SLX4IP: variants seen among roughly 807,000 people sequenced by gnomAD.
SLX4IP encodes the protein protein SLX4IP.
In SLX4IP, 34 loss-of-function variants were observed where a neutral mutation model predicts 32.9. The ratio of observed to expected loss-of-function variants is 1.03; its 90% CI spans 0.79 to 1.38. SLX4IP has a LOEUF of 1.38. SLX4IP is among the 40% of genes most tolerant of loss of function. The pLI is 0.00. For synonymous variants in SLX4IP, 172 were observed against 171.7 expected (o/e 1.00, Z -0.01); for missense variants, 444 against 479.0 (o/e 0.93, Z 0.68).
At chr20:10,588,345 G>T (rs1006068595) in intron 4 of SLX4IP, among the ~76,000 whole-genome samples, 4 of 152,144 alleles carry the variant, frequency 2.6e-5, no homozygotes, top group African/African-American at 9.6e-5. Context: ...GTTATAAAAA[G>T]AGATAATAAG....
At chr20:10,606,715 A>G (rs993444989) in intron 6 of SLX4IP, among the ~76,000 whole-genome samples, 11 of 152,250 alleles carry the variant, frequency 7.2e-5, no homozygotes, top group Non-Finnish European at 1.6e-4. Context: ...CACAACCCTG[A>G]ACACAAAGTC....
chr20:10,435,478 C>T (rs1321743215), intron 1 of SLX4IP, 25 bp downstream of exon 1: 2 of 152,216 alleles, frequency 1.3e-5, no homozygotes, highest in African/African-American at 4.8e-5. Flanking sequence ...CTCTGACAAC[C>T]TCAGATGTTC....
chr20:10,623,295 C>T lies in SLX4IP; in HGVS notation c.1143C>T (p.Thr381=), dbSNP rs199512206. ...ATAACCCAGGGCAGGCACAGCAAAC[C>T]GGCTTAGCCACAAACACTGAAAGAT... ...MKNNPGQAQQ[T]GLATNTERLS... is the part of the protein sequence containing the mutation. The change falls in exon 8 of 8, where the codon ACC becomes ACT. Residue 381 remains threonine (T), a synonymous_variant. Transcript: ENST00000334534. The T allele has an allele frequency of 1.5e-5, 25 of 1,613,966 alleles. No homozygotes were observed. Among genetic ancestry groups the T allele is most frequent in the South Asian group, 2.2e-5 (2 of 91,072 alleles).
chr20:10,585,546 C>CCCTTT (rs200922681), intron 4 of SLX4IP, among the ~76,000 whole-genome samples: 17 of 151,852 alleles, frequency 1.1e-4, no homozygotes, highest in South Asian at 4.2e-4. Flanking sequence ...TTCCCCTTTC[C>CCCTTT]CCTTTCCTTT....
At chr20:10,525,251 C>A (rs2122455190) in intron 2 of SLX4IP, among the ~76,000 whole-genome samples, 1 of 152,190 alleles carries the variant, frequency 6.6e-6, no homozygotes, top group Admixed American at 6.5e-5. Flanking sequence ...AGACCCCTGC[C>A]TTCAGTTCTT....
chr20:10,574,964 T>A (rs2066508844), intron 4 of SLX4IP, among the ~76,000 whole-genome samples: 1 of 152,104 alleles, frequency 6.6e-6, no homozygotes, highest in Non-Finnish European at 1.5e-5. Context: ...TGAGCCACCG[T>A]GCCTGACCGC....
intron 2 of SLX4IP, 109 bp downstream of exon 2, chr20:10,458,340 G>C: frequency 8.8e-7 from 1 of 1,132,454 alleles, no homozygotes; most frequent in South Asian, 1.7e-5. Flanking sequence ...TTTTACACTT[G>C]GGACTCTGCA....
Position 10,551,329 on chromosome 20 carries a change from C to G in SLX4IP, c.28-4902C>G, listed in dbSNP as rs149848247. Reference sequence around the variant, plus strand: ...TGCTGATGGCAGAGTTGTCGCTACTCCAGAATAGGGAGAGAGGAAGTTGTT... The same window carrying G: ...TGCTGATGGCAGAGTTGTCGCTACTGCAGAATAGGGAGAGAGGAAGTTGTT... On this transcript the variant is annotated intron_variant, in intron 2 of 7. Coordinates refer to ENST00000334534, the MANE Select transcript of SLX4IP (RefSeq NM_001009608.3). 3.0e-3 allele frequency among the ~76,000 whole-genome samples: 460 copies of G among 152,258 alleles called. 1 individual carries two copies. Among genetic ancestry groups the G allele is most frequent in the Middle Eastern group, 0.024 (7 of 294 alleles).
chr20:10,548,192 C>A (rs2122487584), intron 2 of SLX4IP, among the ~76,000 whole-genome samples: 1 of 152,232 alleles, frequency 6.6e-6, no homozygotes, highest in Middle Eastern at 3.4e-3. Context: ...CTTTGGACTT[C>A]CTGCACCAGG....
rs368363091 is a variant in SLX4IP at position 10,526,976 on chromosome 20, G to C, written c.28-29255G>C. ...AAAGAGAGAGACAGGATCTCCTTCT[G>C]TTACCCAGATGGGAATGCATTGGCT... On this transcript the variant is annotated intron_variant, in intron 2 of 7. Transcript: ENST00000334534. Among the ~76,000 whole-genome samples, 16 of 152,254 alleles carry C rather than the reference G, an allele frequency of 1.1e-4. No individual in the cohort carries two copies. The South Asian group carries it at 2.3e-3, about 22-fold the overall frequency.
At chr20:10,616,831 C>T (rs372749400) in intron 6 of SLX4IP, among the ~76,000 whole-genome samples, 1 of 152,120 alleles carries the variant, frequency 6.6e-6, no homozygotes, top group Non-Finnish European at 1.5e-5. Context: ...ACCTGACATA[C>T]GTTTATTTGT....
chr20:10,574,074 A>C (rs1430202745), intron 4 of SLX4IP, among the ~76,000 whole-genome samples: 1 of 152,192 alleles, frequency 6.6e-6, no homozygotes, highest in African/African-American at 2.4e-5. Context: ...AACTGGGGAA[A>C]CTTCTCTAAC....
At chr20:10,607,615 A>G (rs1269570476) in intron 6 of SLX4IP, among the ~76,000 whole-genome samples, 1 of 152,172 alleles carries the variant, frequency 6.6e-6, no homozygotes, top group Admixed American at 6.5e-5. Context: ...ACCCTCAGCA[A>G]GTGGCCTACG....
chr20:10,560,573 C>T, intron 3 of SLX4IP, 127 bp from the exon 4 acceptor site: 1 of 732,842 alleles, frequency 1.4e-6, no homozygotes, highest in Non-Finnish European at 2.0e-6. Context: ...TATGACATTC[C>T]TTTCAACATT....
At chr20:10,619,343 G>T (rs1236193696) in intron 6 of SLX4IP, among the ~76,000 whole-genome samples, 4 of 146,462 alleles carry the variant, frequency 2.7e-5, no homozygotes, top group Non-Finnish European at 5.9e-5. Context: ...CCCCATTGTT[G>T]TCAGAGGAAT....
chr20:10,522,665 G>A (rs1294119986), intron 2 of SLX4IP, among the ~76,000 whole-genome samples: 1 of 152,180 alleles, frequency 6.6e-6, no homozygotes, highest in African/African-American at 2.4e-5. Context: ...GTCCTGGGGA[G>A]GGAGGTCATC....
intron 2 of SLX4IP, among the ~76,000 whole-genome samples, chr20:10,548,518 T>C (rs1048244770): frequency 3.9e-5 from 6 of 152,142 alleles, no homozygotes; most frequent in African/African-American, 9.7e-5. Context: ...GGATTACAGG[T>C]GTGAGCCACC....
intron 2 of SLX4IP, among the ~76,000 whole-genome samples, chr20:10,550,822 C>T (rs1268681151): frequency 6.6e-6 from 1 of 152,246 alleles, no homozygotes; most frequent in East Asian, 1.9e-4. Flanking sequence ...CAGTACTTGA[C>T]TGCGACACCA....
chr20:10,613,417 T>C, intron 6 of SLX4IP: 1 of 1,577,058 alleles, frequency 6.3e-7, no homozygotes, highest in Non-Finnish European at 8.7e-7. Context: ...CCTAAGGACC[T>C]TTGAAGAGAA....
Sources: allele counts gnomAD v4.1 joint callset (sites outside exome capture counted in the v4.1 genomes callset), GRCh38; gene constraint gnomAD v4.1.1; transcripts MANE v1.5; gene names NCBI Gene and HGNC (gene_info 2026-07-23, HGNC 2026-07-21).